The following GTF2IRD1 variants were observed in gnomAD, a reference collection of about 807,000 sequenced individuals.
The protein encoded by GTF2IRD1 is general transcription factor II-I repeat domain-containing protein 1.
In GTF2IRD1, 26 loss-of-function variants were observed where a neutral mutation model predicts 113.2. The ratio of observed to expected loss-of-function variants is 0.23; its 90% CI spans 0.17 to 0.32. GTF2IRD1 has a LOEUF of 0.32. Among genes scored for constraint, GTF2IRD1 ranks in the 10% least tolerant of loss-of-function variants. GTF2IRD1 has a pLI of 1.00. For missense variants in GTF2IRD1, 864 were observed against 1,280.8 expected, an observed-to-expected ratio of 0.67 and a Z score of 4.97; for synonymous variants, 484 against 529.1, an observed-to-expected ratio of 0.91 and a Z score of 1.17.
chr7:74,520,997 A>G (rs1554345808), intron 6 of GTF2IRD1, among the ~76,000 whole-genome samples: 1 of 151,824 alleles, frequency 6.6e-6, no homozygotes, highest in Admixed American at 6.6e-5. Context: ...TTTCTTGTTA[A>G]CCTGGCTTTC....
intron 3 of GTF2IRD1, 95 bp downstream of exon 3, chr7:74,513,066 G>A: frequency 8.3e-7 from 1 of 1,205,420 alleles, no homozygotes; most frequent in Non-Finnish European, 1.2e-6. Flanking sequence ...TCTAGCCAGG[G>A]TGGCGGTGTG....
rs1338456728 is a variant in GTF2IRD1 at position 74,521,149 on chromosome 7, G to A, written c.917-59G>A. The A allele has an allele frequency of 3.1e-6, 3 of 983,294 alleles. No homozygotes were observed. The East Asian group carries it at 7.2e-5, about 23-fold the overall frequency. 60.9% of individuals were successfully genotyped at this position (983,294 alleles called of 1,614,324 possible). A position where few individuals can be genotyped will look rare whatever the true frequency, so the allele number is the denominator to read the frequency against. On this transcript the variant is annotated intron_variant, in intron 6 of 26. Coordinates refer to ENST00000424337, the MANE Select transcript of GTF2IRD1 (RefSeq NM_005685.4). ...AGCCAGGGCCTGTGCACTGGGGCCA[G>A]ATCTGGGGAACCCTCTTGGGTCCCA...
chr7:74,464,637 G>A (rs1793597109), intron 1 of GTF2IRD1, among the ~76,000 whole-genome samples: 2 of 152,050 alleles, frequency 1.3e-5, no homozygotes, highest in African/African-American at 4.8e-5. Context: ...TAGTAGAGAC[G>A]GGGTTTCGCC....
intron 22 of GTF2IRD1, among the ~76,000 whole-genome samples, chr7:74,581,025 G>A (rs1419848223): frequency 6.6e-6 from 1 of 152,176 alleles, no homozygotes; most frequent in East Asian, 1.9e-4. Flanking sequence ...CTTTTCTGGG[G>A]GGGGTTGGGG....
At chr7:74,601,379 T>A in intron 26 of GTF2IRD1, 199 bp downstream of exon 26, 9 of 1,509,642 alleles carry the variant, frequency 6.0e-6, no homozygotes, top group Admixed American at 2.0e-5. Context: ...CGTGGGGTAC[T>A]CACAGGCACT....
chr7:74,491,994 C>A (rs1053755187), intron 1 of GTF2IRD1, among the ~76,000 whole-genome samples: 3 of 146,760 alleles, frequency 2.0e-5, no homozygotes, highest in Non-Finnish European at 4.4e-5. Context: ...TTTTCTTGTT[C>A]GTTTGTTTTT....
At chr7:74,554,162 T>C (rs1799470350) in intron 17 of GTF2IRD1, among the ~76,000 whole-genome samples, 1 of 151,720 alleles carries the variant, frequency 6.6e-6, no homozygotes, top group Non-Finnish European at 1.5e-5. Flanking sequence ...CCATTACCTC[T>C]CCAGAGAGCT....
In GTF2IRD1 at chr7:74,515,592, T is replaced by C; in HGVS notation, c.417T>C (p.Leu139=). The change falls in exon 4 of 27, where the codon CTT becomes CTC. Residue 139 remains leucine, a synonymous_variant. Coordinates refer to ENST00000424337, the MANE Select transcript of GTF2IRD1 (RefSeq NM_005685.4). ...RKMVEEVFDV[L]YSEALGRASV... ...TGGTAGAGGAGGTGTTTGATGTTCT[T>C]TATAGTAAGATCCTTCCTCATTCCA... 6.2e-7 allele frequency: 1 copy of C among 1,608,912 alleles called. No homozygotes were observed. The highest frequency in any genetic ancestry group is 1.1e-5 in the South Asian group (1 of 90,924).
At chr7:74,557,196 C>T (rs1444963325) in intron 19 of GTF2IRD1, among the ~76,000 whole-genome samples, 21 of 152,130 alleles carry the variant, frequency 1.4e-4, no homozygotes, top group African/African-American at 3.6e-4. Context: ...CATTGGGAGC[C>T]GCCAGGCCCA....
chr7:74,465,956 A>C (rs946731034), intron 1 of GTF2IRD1, among the ~76,000 whole-genome samples: 1 of 152,098 alleles, frequency 6.6e-6, no homozygotes, highest in East Asian at 1.9e-4. Context: ...TTTTTAGTAG[A>C]GACAGGGTTT....
At chr7:74,502,585 TGGG>T (rs1408302038) in intron 1 of GTF2IRD1, among the ~76,000 whole-genome samples, 2 of 152,180 alleles carry the variant, frequency 1.3e-5, no homozygotes, top group Non-Finnish European at 2.9e-5. Context: ...CGGACTTCTA[TGGG>T]GGTCCCCCAG....
At chr7:74,495,137 C>T (rs1795581960) in intron 1 of GTF2IRD1, among the ~76,000 whole-genome samples, 1 of 152,242 alleles carries the variant, frequency 6.6e-6, no homozygotes, top group South Asian at 2.1e-4. Flanking sequence ...GGGGGTTTAT[C>T]TGCCAGCTGG....
rs587683536 is a variant in GTF2IRD1 at position 74,555,847 on chromosome 7, G to A, written c.2023+353G>A. On this transcript the variant is annotated intron_variant, in intron 19 of 26. Transcript: ENST00000424337. This position sits in a 1 kb window ranked among gnomAD's most constrained non-coding sequence, Gnocchi z 5.3. ...ATAGGAGCCAGACGCGGCACCTCACGCCTGTAATCTCAGCACTTGGGAAGG... is the reference window on the plus strand; with the variant it reads ...ATAGGAGCCAGACGCGGCACCTCACACCTGTAATCTCAGCACTTGGGAAGG... Among the ~76,000 whole-genome samples, 2 of 152,218 alleles carry A rather than the reference G, an allele frequency of 1.3e-5. No individual in the cohort carries two copies. Among genetic ancestry groups the A allele is most frequent in the African/African-American group, 4.8e-5 (2 of 41,552 alleles).
chr7:74,476,158 C>T (rs1262792411), intron 1 of GTF2IRD1, among the ~76,000 whole-genome samples: 1 of 152,112 alleles, frequency 6.6e-6, no homozygotes, highest in Non-Finnish European at 1.5e-5. Flanking sequence ...AATCCCGATG[C>T]TCTGGACTCC....
intron 23 of GTF2IRD1, among the ~76,000 whole-genome samples, chr7:74,590,139 T>C (rs1801969128): frequency 1.3e-5 from 2 of 152,056 alleles, no homozygotes; most frequent in African/African-American, 4.8e-5. Flanking sequence ...TGGAGTACAG[T>C]GGCGTATCTC....
At chr7:74,556,714 C>G (rs1235428317) in intron 19 of GTF2IRD1, among the ~76,000 whole-genome samples, 1 of 149,406 alleles carries the variant, frequency 6.7e-6, no homozygotes, top group Admixed American at 6.7e-5. Context: ...ACCTCCACCT[C>G]CCAGGTTCAA....
At position 74,573,124 on chromosome 7, in the gene GTF2IRD1, A is replaced by G. The variant is rs587746775; in HGVS notation, c.2320+13469A>G. ...TTTAGCCTTTATTAGATGGGCTTCC[A>G]GGCTGGGTGCGGTTGCTTACACTTG... On this transcript the variant is annotated intron_variant, in intron 22 of 26. Transcript: ENST00000424337. Among the ~76,000 whole-genome samples, 8 of 152,238 alleles carry G rather than the reference A, an allele frequency of 5.3e-5. No individual in the cohort carries two copies. In the South Asian group the frequency reaches 1.7e-3, roughly 32 times the overall value.
At chr7:74,551,782 A>T (rs1289142378) in intron 17 of GTF2IRD1, among the ~76,000 whole-genome samples, 1 of 151,978 alleles carries the variant, frequency 6.6e-6, no homozygotes, top group Non-Finnish European at 1.5e-5. Flanking sequence ...CTAAAAATGC[A>T]AAAATTAGCC....
chr7:74,598,761 G>A lies in GTF2IRD1; in HGVS notation c.2630-2283G>A, dbSNP rs368640546. On this transcript the variant is annotated intron_variant, in intron 25 of 26. Coordinates refer to ENST00000424337, the MANE Select transcript of GTF2IRD1 (RefSeq NM_005685.4). ...TGGCCATCTCTCATGGTGATTCAAG[G>A]ATGGCCACAGCCCATGGACCAGTCT... Among the ~76,000 whole-genome samples the A allele has an allele frequency of 5.3e-5, 8 of 152,270 alleles. No homozygotes were observed. The East Asian group carries it at 9.6e-4, about 18-fold the overall frequency.
Sources: gnomAD v4.1 joint callset for allele counts (sites outside exome capture counted in the v4.1 genomes callset) on GRCh38, gnomAD v4.1.1 for gene constraint, Gnocchi (gnomAD v3.1) non-coding constraint, MANE v1.5 for transcripts, NCBI Gene and HGNC (gene_info 2026-07-23, HGNC 2026-07-21) for gene names.